TNKS: variants seen among roughly 807,000 people sequenced by gnomAD.
TNKS encodes the protein poly [ADP-ribose] polymerase tankyrase-1.
TNKS carries 72 observed loss-of-function variants against 135.8 expected under a neutral mutation model. The ratio of observed to expected loss-of-function variants is 0.53; its 90% CI spans 0.44 to 0.64. TNKS has a LOEUF of 0.64. Among genes scored for constraint, TNKS ranks in the 30% least tolerant of loss-of-function variants. The pLI is 0.00. For synonymous variants in TNKS, 849 were observed against 649.3 expected (o/e 1.31, Z -4.68); for missense variants, 1,769 against 1,674.0 (o/e 1.06, Z -0.99).
At chr8:9,586,722 CGTGTGTGTGT>C (rs5889287) in intron 2 of TNKS, among the ~76,000 whole-genome samples, 2,677 of 143,286 alleles carry the variant, frequency 0.019, 79 homozygotes, top group African/African-American at 0.065. Flanking sequence ...ATATCTAAAA[CGTGTGTGTGT>C]GTGTGTGTGT....
intron 12 of TNKS, among the ~76,000 whole-genome samples, chr8:9,721,563 TAGAAGGCTATAGACTAGGAGTC>T (rs71201964): frequency 0.7 from 105,723 of 150,990 alleles, 37,593 homozygotes; most frequent in Admixed American, 0.8. Flanking sequence ...GAGTAAAATG[TAGAAGGCTATAGACTAGGAGTC>T]AGAAGTCCTG....
intron 17 of TNKS, among the ~76,000 whole-genome samples, chr8:9,743,116 G>C (rs1406691189): frequency 6.6e-6 from 1 of 152,124 alleles, no homozygotes; most frequent in East Asian, 1.9e-4. Flanking sequence ...GCTTGAACTA[G>C]CCTGGCCACA....
intron 2 of TNKS, among the ~76,000 whole-genome samples, chr8:9,614,123 C>T: frequency 6.6e-6 from 1 of 152,094 alleles, no homozygotes; most frequent in Non-Finnish European, 1.5e-5. Context: ...CTTTTATAAG[C>T]CAAATCTTCA....
chr8:9,566,880 T>C (rs1476983257), intron 1 of TNKS, among the ~76,000 whole-genome samples: 1 of 151,522 alleles, frequency 6.6e-6, no homozygotes, highest in African/African-American at 2.4e-5. Context: ...AGTGCTGGGA[T>C]TACAGGCGTG....
chr8:9,710,366 A>G (rs1256989753), intron 11 of TNKS, 146 bp downstream of exon 11: 2 of 721,092 alleles, frequency 2.8e-6, no homozygotes, highest in Non-Finnish European at 4.8e-6. Context: ...ATTCTCCTAT[A>G]AAGCTGATTT....
At chr8:9,718,150 G>A (rs1307735357) in intron 11 of TNKS, among the ~76,000 whole-genome samples, 1 of 152,086 alleles carries the variant, frequency 6.6e-6, no homozygotes, top group Non-Finnish European at 1.5e-5. Flanking sequence ...TTCTATCATA[G>A]ATATATTAAT....
At chr8:9,710,754 G>T (rs2128809353) in intron 11 of TNKS, among the ~76,000 whole-genome samples, 1 of 152,198 alleles carries the variant, frequency 6.6e-6, no homozygotes, top group Admixed American at 6.5e-5. Flanking sequence ...AAATTAGCCG[G>T]GCGTGGTGGC....
At chr8:9,672,792 T>C (rs1250836795) in intron 3 of TNKS, among the ~76,000 whole-genome samples, 1 of 147,934 alleles carries the variant, frequency 6.8e-6, no homozygotes. Context: ...GCTTAAATAA[T>C]AGTGGTTGTC....
At chr8:9,735,561 G>T in intron 17 of TNKS, 75 bp downstream of exon 17, 1 of 1,140,632 alleles carries the variant, frequency 8.8e-7, no homozygotes, top group Non-Finnish European at 1.3e-6. Flanking sequence ...AGCACTTTAG[G>T]AGGCCGAGGA....
chr8:9,620,652 T>C (rs1053833247), intron 3 of TNKS, among the ~76,000 whole-genome samples: 6 of 152,192 alleles, frequency 3.9e-5, no homozygotes, highest in Non-Finnish European at 8.8e-5. Flanking sequence ...GGCTGTTTGC[T>C]GCCCCTCAAG....
At chr8:9,774,561 T>G (rs2128844427) in intron 26 of TNKS, among the ~76,000 whole-genome samples, 1 of 152,366 alleles carries the variant, frequency 6.6e-6, no homozygotes, top group African/African-American at 2.4e-5. Flanking sequence ...TGACGGTTTT[T>G]GGTCCATCTT....
At chr8:9,574,548 T>C (rs1797870631) in intron 1 of TNKS, among the ~76,000 whole-genome samples, 1 of 152,212 alleles carries the variant, frequency 6.6e-6, no homozygotes, top group Non-Finnish European at 1.5e-5. Context: ...AAGATTTAAA[T>C]AGAATCAAGT....
intron 3 of TNKS, among the ~76,000 whole-genome samples, chr8:9,653,716 A>C (rs538251539): frequency 6.6e-6 from 1 of 152,242 alleles, no homozygotes; most frequent in East Asian, 1.9e-4. Flanking sequence ...ATTGCCAACT[A>C]AATTTCAGCA....
intron 2 of TNKS, among the ~76,000 whole-genome samples, chr8:9,613,080 AC>A: frequency 6.6e-6 from 1 of 152,100 alleles, no homozygotes. Flanking sequence ...ACTCAGTGTA[AC>A]TTTTACTGAA....
At chr8:9,584,954 G>A (rs1798312936) in intron 2 of TNKS, among the ~76,000 whole-genome samples, 1 of 152,068 alleles carries the variant, frequency 6.6e-6, no homozygotes, top group Non-Finnish European at 1.5e-5. Context: ...TAGACATGAA[G>A]CCCAGCAAAC....
At chr8:9,627,843 C>G (rs1014147764) in intron 3 of TNKS, among the ~76,000 whole-genome samples, 1 of 152,124 alleles carries the variant, frequency 6.6e-6, no homozygotes, top group Non-Finnish European at 1.5e-5. Flanking sequence ...TTTCTTTTTA[C>G]ACATTTAATT....
At chr8:9,575,032 T>C in intron 1 of TNKS, 1 of 985,360 alleles carries the variant, frequency 1.0e-6, no homozygotes, top group Non-Finnish European at 1.2e-6. Flanking sequence ...CTGCTATGTG[T>C]GCCTGGATTG....
At chr8:9,703,670 T>TA (rs931614607) in intron 5 of TNKS, among the ~76,000 whole-genome samples, 1 of 152,222 alleles carries the variant, frequency 6.6e-6, no homozygotes, top group African/African-American at 2.4e-5. Context: ...TAGTACTTCT[T>TA]TTGTATCTTC....
chr8:9,637,982 T>C (rs978121320), intron 3 of TNKS, among the ~76,000 whole-genome samples: 5 of 152,304 alleles, frequency 3.3e-5, no homozygotes, highest in South Asian at 2.1e-4. Context: ...CTTATACATT[T>C]TCTAGAGATG....
Sources: allele counts gnomAD v4.1 joint callset (sites outside exome capture counted in the v4.1 genomes callset), GRCh38; gene constraint gnomAD v4.1.1; transcripts MANE v1.5; gene names NCBI Gene and HGNC (gene_info 2026-07-23, HGNC 2026-07-21).